BTBD9: variants seen among roughly 807,000 people sequenced by gnomAD.
BTBD9 encodes BTB domain containing 9.
Under a neutral mutation model 64.3 loss-of-function variants are expected in BTBD9, and 49 were observed. The observed-to-expected ratio is 0.76, with a 90% CI of 0.61 to 0.97. The LOEUF is 0.97. Ranked by LOEUF, BTBD9 falls within the 50% of genes least tolerant of loss-of-function variation. BTBD9 has a pLI of 0.00. For synonymous variants in BTBD9, 260 were observed against 274.7 expected, an observed-to-expected ratio of 0.95 and a Z score of 0.53; for missense variants, 598 against 762.1, an observed-to-expected ratio of 0.78 and a Z score of 2.53.
At position 38,335,107 on chromosome 6, in the gene BTBD9, T is replaced by C. The variant is rs111391714; in HGVS notation, c.1264+9877A>G. ...CTCTCTCTCCTGCTGCCATGTAAGG[T>C]GTGCCTTGTTTCTCCTTTGCCTTCT... is the stretch of plus-strand genomic sequence containing the variant. On this transcript the variant is annotated intron_variant, in intron 7 of 10. Coordinates refer to ENST00000481247, the MANE Select transcript of BTBD9 (RefSeq NM_001099272.2). 5.7e-3 allele frequency among the ~76,000 whole-genome samples: 865 copies of C among 152,278 alleles called. 7 individuals are homozygous for C. The highest frequency in any genetic ancestry group is 0.02 in the African/African-American group (816 of 41,562).
intron 6 of BTBD9, among the ~76,000 whole-genome samples, chr6:38,413,038 T>C (rs573979129): frequency 1.4e-4 from 21 of 152,294 alleles, no homozygotes; most frequent in Middle Eastern, 3.4e-3. Flanking sequence ...GCCTAACCCT[T>C]AGGAAATCAT....
At chr6:38,437,434 G>A (rs576032279) in intron 6 of BTBD9, among the ~76,000 whole-genome samples, 1 of 152,186 alleles carries the variant, frequency 6.6e-6, no homozygotes, top group African/African-American at 2.4e-5. Flanking sequence ...TACCTTATCT[G>A]GATTCATGTT....
In BTBD9 at chr6:38,170,556, C is replaced by T. The variant is rs1393902965; in HGVS notation, c.*4429G>A. Reference sequence around the variant, plus strand: ...GCAAATGACCAGGGCCTCCAAATCCCGTCCAGCCCCAGGTATGACTGGATC... The same window carrying T: ...GCAAATGACCAGGGCCTCCAAATCCTGTCCAGCCCCAGGTATGACTGGATC... On this transcript the variant is annotated 3_prime_UTR_variant, in exon 11 of 11. Coordinates refer to ENST00000481247, the MANE Select transcript of BTBD9 (RefSeq NM_001099272.2). The T allele has an allele frequency of 1.3e-5, 2 of 152,304 alleles. No homozygotes were observed. The highest frequency in any genetic ancestry group is 2.9e-5 in the Non-Finnish European group (2 of 68,094). 9.4% of individuals were successfully genotyped at this position (152,304 alleles called of 1,614,324 possible). A position where few individuals can be genotyped will look rare whatever the true frequency, so the allele number is the denominator to read the frequency against.
chr6:38,320,133 C>T lies in BTBD9; in HGVS notation c.1264+24851G>A, dbSNP rs560973672. Reference sequence around the variant, plus strand: ...AAATGCACGGATTCTCTCTCCATGCCGTGTGGCTACTGGGGGAGAGATGGC... The same window carrying T: ...AAATGCACGGATTCTCTCTCCATGCTGTGTGGCTACTGGGGGAGAGATGGC... On this transcript the variant is annotated intron_variant, in intron 7 of 10. Transcript: ENST00000481247. 2.0e-4 allele frequency among the ~76,000 whole-genome samples: 30 copies of T among 152,296 alleles called. No individual in the cohort carries two copies. In the South Asian group the frequency reaches 3.5e-3, roughly 18 times the overall value.
At chr6:38,388,043 T>C (rs994946740) in intron 6 of BTBD9, among the ~76,000 whole-genome samples, 13 of 152,126 alleles carry the variant, frequency 8.5e-5, no homozygotes, top group Admixed American at 8.5e-4. Flanking sequence ...TAGTCTAGAG[T>C]GAAATGTAAT....
At chr6:38,572,488 A>G (rs1475696065) in intron 6 of BTBD9, among the ~76,000 whole-genome samples, 7 of 152,130 alleles carry the variant, frequency 4.6e-5, no homozygotes, top group Non-Finnish European at 8.8e-5. Context: ...TCTTTTTTCT[A>G]TGACACATAT....
At chr6:38,606,878 A>G (rs1204922943) in intron 1 of BTBD9, among the ~76,000 whole-genome samples, 1 of 152,184 alleles carries the variant, frequency 6.6e-6, no homozygotes, top group African/African-American at 2.4e-5. Context: ...CACATACCCA[A>G]TAAGTAGCAG....
intron 6 of BTBD9, among the ~76,000 whole-genome samples, chr6:38,545,722 T>C (rs371939438): frequency 2.2e-5 from 3 of 138,204 alleles, no homozygotes; most frequent in Admixed American, 8.4e-5. Flanking sequence ...GAGCTTGCAG[T>C]GAGCCGAGAT....
intron 6 of BTBD9, among the ~76,000 whole-genome samples, chr6:38,529,943 T>G (rs1454601922): frequency 6.6e-6 from 1 of 152,198 alleles, no homozygotes; most frequent in Non-Finnish European, 1.5e-5. Context: ...AGCCATATTT[T>G]TCTTCTTGCA....
intron 6 of BTBD9, among the ~76,000 whole-genome samples, chr6:38,404,130 G>A (rs2127243299): frequency 6.6e-6 from 1 of 152,264 alleles, no homozygotes; most frequent in South Asian, 2.1e-4. Context: ...TTTTTAGGGT[G>A]ATAAAAAATG....
At chr6:38,404,230 T>C (rs1389214250) in intron 6 of BTBD9, among the ~76,000 whole-genome samples, 1 of 152,220 alleles carries the variant, frequency 6.6e-6, no homozygotes, top group Non-Finnish European at 1.5e-5. Flanking sequence ...ATATTAACTA[T>C]ATCTCAATTT....
chr6:38,328,164 T>C (rs1266177381), intron 7 of BTBD9, among the ~76,000 whole-genome samples: 1 of 152,188 alleles, frequency 6.6e-6, no homozygotes, highest in Non-Finnish European at 1.5e-5. Context: ...CCCAATAATC[T>C]CTGGTAATCC....
At chr6:38,330,891 G>A (rs1324196944) in intron 7 of BTBD9, among the ~76,000 whole-genome samples, 3 of 152,140 alleles carry the variant, frequency 2.0e-5, no homozygotes, top group African/African-American at 7.2e-5. Context: ...GTTAAATGGA[G>A]TAAAGAGCTA....
chr6:38,502,806 A>T (rs1346647670), intron 6 of BTBD9, among the ~76,000 whole-genome samples: 1 of 152,074 alleles, frequency 6.6e-6, no homozygotes, highest in African/African-American at 2.4e-5. Flanking sequence ...GTGCAATTTG[A>T]TTCAATTCAA....
At chr6:38,196,881 C>A (rs1762287854) in intron 9 of BTBD9, among the ~76,000 whole-genome samples, 1 of 152,080 alleles carries the variant, frequency 6.6e-6, no homozygotes, top group Non-Finnish European at 1.5e-5. Context: ...CTCAATTTAA[C>A]CCATAATGAA....
intron 6 of BTBD9, among the ~76,000 whole-genome samples, chr6:38,348,038 G>A (rs556597076): frequency 6.8e-4 from 103 of 152,174 alleles, no homozygotes; most frequent in African/African-American, 2.4e-3. Flanking sequence ...TCCAGCACAG[G>A]AGTAGTGCCC....
At chr6:38,238,479 T>C (rs1053653108) in intron 9 of BTBD9, among the ~76,000 whole-genome samples, 3 of 148,248 alleles carry the variant, frequency 2.0e-5, no homozygotes, top group Non-Finnish European at 4.5e-5. Flanking sequence ...GGTTTTTTGT[T>C]TTTTTTTTTT....
At chr6:38,487,967 A>G (rs946959726) in intron 6 of BTBD9, among the ~76,000 whole-genome samples, 2 of 152,214 alleles carry the variant, frequency 1.3e-5, no homozygotes, top group African/African-American at 4.8e-5. Context: ...AAATGGGTGC[A>G]CAAAGTATGA....
chr6:38,322,428 C>T lies in BTBD9; in HGVS notation c.1264+22556G>A, dbSNP rs117799971. On this transcript the variant is annotated intron_variant, in intron 7 of 10. Transcript: ENST00000481247. ...GAGGAAGGCAGATTAACTAACCTATCCCTTTAAAGATTAACAGCAACATGC... is the reference window on the plus strand; with the variant it reads ...GAGGAAGGCAGATTAACTAACCTATTCCTTTAAAGATTAACAGCAACATGC... Among the ~76,000 whole-genome samples, 131 of 152,310 alleles carry T rather than the reference C, an allele frequency of 8.6e-4. 2 individuals are homozygous for T. In the East Asian group the frequency reaches 0.011, roughly 13 times the overall value.
Sources: gnomAD v4.1 joint callset for allele counts (sites outside exome capture counted in the v4.1 genomes callset) on GRCh38, gnomAD v4.1.1 for gene constraint, MANE v1.5 for transcripts, NCBI Gene and HGNC (gene_info 2026-07-23, HGNC 2026-07-21) for gene names.